NECTIN2: variants seen among roughly 807,000 people sequenced by gnomAD.
NECTIN2 encodes nectin-2.
NECTIN2 carries 23 observed loss-of-function variants against 56.9 expected under a neutral mutation model. That is an observed-to-expected ratio of 0.40 (90% confidence interval 0.29 to 0.57). The LOEUF (loss-of-function observed/expected upper bound fraction) is 0.57. Ranked by LOEUF, NECTIN2 falls within the 20% of genes least tolerant of loss-of-function variation. The pLI is 0.38. For missense variants in NECTIN2, 587 were observed against 718.3 expected (o/e 0.82, Z 2.09); for synonymous variants, 302 against 313.8 (o/e 0.96, Z 0.40).
At chr19:44,854,068 A>C (rs575747934) in intron 1 of NECTIN2, among the ~76,000 whole-genome samples, 25 of 151,560 alleles carry the variant, frequency 1.6e-4, no homozygotes, top group Non-Finnish European at 3.2e-4. Context: ...TCTCGGGGTA[A>C]AAGAACCCCC....
intron 8 of NECTIN2, among the ~76,000 whole-genome samples, chr19:44,886,510 C>T (rs1186167568): frequency 1.3e-5 from 2 of 151,346 alleles, no homozygotes; most frequent in African/African-American, 2.4e-5. Context: ...CACTTGGGGT[C>T]AGGAGTTCGA....
chr19:44,883,695 T>A (rs1969331837), intron 6 of NECTIN2, among the ~76,000 whole-genome samples: 1 of 152,100 alleles, frequency 6.6e-6, no homozygotes, highest in African/African-American at 2.4e-5. Context: ...GGCAAAGTGG[T>A]GCACACCTGT....
At chr19:44,846,731 T>G (rs530835499) in intron 1 of NECTIN2, 118 bp downstream of exon 1, 13 of 1,156,742 alleles carry the variant, frequency 1.1e-5, no homozygotes, top group Non-Finnish European at 1.5e-5. Flanking sequence ...CCCTCTCGCG[T>G]GCCCCCTTCC....
At chr19:44,858,157 T>C (rs1968989478) in intron 1 of NECTIN2, among the ~76,000 whole-genome samples, 1 of 152,192 alleles carries the variant, frequency 6.6e-6, no homozygotes, top group East Asian at 1.9e-4. Context: ...CTATTTTTCT[T>C]TTCTCAAGTT....
chr19:44,880,475 CTTTTTTTTT>C (rs4013742), intron 5 of NECTIN2, among the ~76,000 whole-genome samples: 8 of 68,876 alleles, frequency 1.2e-4, no homozygotes, highest in African/African-American at 3.4e-4. Context: ...CCTGTCTTGC[CTTTTTTTTT>C]TTTTTTTTTT....
intron 5 of NECTIN2, among the ~76,000 whole-genome samples, chr19:44,880,792 TA>T (rs1676000758): frequency 6.7e-6 from 1 of 148,854 alleles, no homozygotes. Context: ...TTTTTTTTTT[TA>T]AGACGGAGTT....
At position 44,872,191 on chromosome 19, in the gene NECTIN2, T is replaced by C. The variant is rs767780559; in HGVS notation, c.775+42T>C. On this transcript the variant is annotated intron_variant, in intron 3 of 8. Coordinates refer to ENST00000252483, the MANE Select transcript of NECTIN2 (RefSeq NM_001042724.2). ...TGACCCCTCCCCCATCAAAACTGCCTACACTGGCTTCTCTAAAGCACTGTC... is the reference window on the plus strand; with the variant it reads ...TGACCCCTCCCCCATCAAAACTGCCCACACTGGCTTCTCTAAAGCACTGTC... The C allele has an allele frequency of 3.8e-6, 6 of 1,590,162 alleles. No individual in the cohort carries two copies. In the East Asian group the frequency reaches 1.3e-4, roughly 36 times the overall value.
chr19:44,848,960 CGCCAGGCAGCCCCACGTA>C (rs1464531113), intron 1 of NECTIN2, among the ~76,000 whole-genome samples: 1 of 152,132 alleles, frequency 6.6e-6, no homozygotes, highest in East Asian at 1.9e-4. Flanking sequence ...TGTCCATGTC[CGCCAGGCAGCCCCACGTA>C]GTGGAGGGGG....
intron 1 of NECTIN2, among the ~76,000 whole-genome samples, chr19:44,848,189 G>A (rs148928476): frequency 2.1e-4 from 32 of 152,208 alleles, no homozygotes; most frequent in Admixed American, 1.9e-3. Context: ...CTCCCTTCAG[G>A]CAGAAATAGG....
In NECTIN2 at chr19:44,874,379, G is replaced by A. The variant is rs373607741; in HGVS notation, c.943G>A (p.Val315Ile). The A allele has an allele frequency of 3.4e-5, 55 of 1,613,988 alleles. No individual in the cohort carries two copies. In the East Asian group the frequency reaches 1.2e-3, roughly 35 times the overall value. The change falls in exon 5 of 9, where the codon GTC (valine) becomes ATC (isoleucine). Residue 315 changes from valine (V) to isoleucine (I), a missense_variant. By Grantham distance (29) the Val-to-Ile change is conservative (BLOSUM62 3). Coordinates refer to ENST00000252483, the MANE Select transcript of NECTIN2 (RefSeq NM_001042724.2). The surrounding 1 kb of genome is among the most constrained non-coding windows in gnomAD (Gnocchi z 6.3). ...CGCAGTGGCCCAGGGCTCCCAGCTG[G>A]TCATCCACGCAGTGGACAGTCTGTT... ...TSAVAQGSQL[V>I]IHAVDSLFNT...
At chr19:44,881,573 G>A (rs943459783) in intron 5 of NECTIN2, among the ~76,000 whole-genome samples, 2 of 151,416 alleles carry the variant, frequency 1.3e-5, no homozygotes, top group African/African-American at 2.4e-5. Context: ...TGTAGTTCCA[G>A]CCACTCCGGA....
intron 5 of NECTIN2, among the ~76,000 whole-genome samples, chr19:44,877,012 G>A (rs1044789267): frequency 2.0e-5 from 3 of 152,100 alleles, no homozygotes; most frequent in Non-Finnish European, 4.4e-5. Flanking sequence ...GACCAGCACA[G>A]GAGAAAAATC....
At chr19:44,856,847 G>C in intron 1 of NECTIN2, among the ~76,000 whole-genome samples, 1 of 152,130 alleles carries the variant, frequency 6.6e-6, no homozygotes, top group East Asian at 1.9e-4. Flanking sequence ...CTTCTGTGTG[G>C]GCTGCTACTT....
At chr19:44,873,409 G>A (rs1232845001) in intron 3 of NECTIN2, among the ~76,000 whole-genome samples, 1 of 152,192 alleles carries the variant, frequency 6.6e-6, no homozygotes, top group East Asian at 1.9e-4. Context: ...AAGGCGGGCA[G>A]ATCACTTGAG....
intron 2 of NECTIN2, among the ~76,000 whole-genome samples, chr19:44,871,245 C>A (rs922479029): frequency 1.3e-5 from 2 of 152,132 alleles, no homozygotes; most frequent in Non-Finnish European, 2.9e-5. Flanking sequence ...AGACAGTATA[C>A]CGAAATGGCC....
In NECTIN2 at chr19:44,874,030, G is replaced by C; in HGVS notation, c.890G>C (p.Ser297Thr). Reference sequence around the variant, plus strand: ...CCAGAGCCCACGGGCTATGACTGGAGCACGTGAGTCACGTGGTCTCAGAAC... The same window carrying C: ...CCAGAGCCCACGGGCTATGACTGGACCACGTGAGTCACGTGGTCTCAGAAC... ...SNPEPTGYDW[S>T]TTSGTFPTSA... Residue 297 changes from serine to threonine, a missense_variant, in exon 4 of 9, where the codon AGC becomes ACC. Coordinates refer to ENST00000252483, the MANE Select transcript of NECTIN2 (RefSeq NM_001042724.2). The surrounding 1 kb of genome is among the most constrained non-coding windows in gnomAD (Gnocchi z 6.3). The C allele has an allele frequency of 6.2e-7, 1 of 1,610,724 alleles. No individual in the cohort carries two copies.
chr19:44,887,028 AAAG>A (rs1969368897), intron 8 of NECTIN2, among the ~76,000 whole-genome samples: 1 of 151,248 alleles, frequency 6.6e-6, no homozygotes, highest in Non-Finnish European at 1.5e-5. Context: ...AAAAAAAAAA[AAAG>A]AGGAAAAGTC....
rs957558510 is a variant in NECTIN2 at position 44,846,361 on chromosome 19, G to T, written c.-165G>T. On this transcript the variant is annotated 5_prime_UTR_variant, in exon 1 of 9. Transcript: ENST00000252483. Reference sequence around the variant, plus strand: ...GGCCGGGGGTGCCGAGCCGGGCGGGGAGAGCTGGGCCGGGAGAGCAGAACA... The same window carrying T: ...GGCCGGGGGTGCCGAGCCGGGCGGGTAGAGCTGGGCCGGGAGAGCAGAACA... 9.3e-5 allele frequency: 79 copies of T among 851,156 alleles called. No individual in the cohort carries two copies. Among genetic ancestry groups the T allele is most frequent in the Non-Finnish European group, 1.2e-4 (73 of 613,480 alleles). 52.7% of individuals were successfully genotyped at this position (851,156 alleles called of 1,614,324 possible). A position where few individuals can be genotyped will look rare whatever the true frequency, so the allele number is the denominator to read the frequency against.
chr19:44,874,214 T>A lies in NECTIN2; in HGVS notation c.894-116T>A. ...GCTTGCATTTTGGCAATTTGGGGTC[T>A]CCGGGAGTACTTAGGTCCCTGGAGC... On this transcript the variant is annotated intron_variant, in intron 4 of 8. Coordinates refer to ENST00000252483, the MANE Select transcript of NECTIN2 (RefSeq NM_001042724.2). The surrounding 1 kb of genome is among the most constrained non-coding windows in gnomAD (Gnocchi z 6.3). The A allele has an allele frequency of 7.2e-7, 1 of 1,390,152 alleles. No individual in the cohort carries two copies. The allele number at this position is 1,390,152 out of a possible 1,614,324, so 86.1% of individuals were successfully genotyped here.
Sources: allele counts gnomAD v4.1 joint callset (sites outside exome capture counted in the v4.1 genomes callset), GRCh38; gene constraint gnomAD v4.1.1; non-coding constraint Gnocchi (gnomAD v3.1); transcripts MANE v1.5; gene names NCBI Gene and HGNC (gene_info 2026-07-23, HGNC 2026-07-21).